Variants in GALNS observed in about 807,000 individuals in gnomAD.
The protein encoded by GALNS is galactosamine (N-acetyl)-6-sulfatase.
In GALNS, 65 loss-of-function variants were observed where a neutral mutation model predicts 65.9. The ratio of observed to expected loss-of-function variants is 0.99; its 90% CI spans 0.81 to 1.21. The LOEUF (loss-of-function observed/expected upper bound fraction) is 1.21. Among genes scored for constraint, GALNS ranks in the 50% most tolerant of loss-of-function variants. GALNS has a pLI of 0.00. For synonymous variants in GALNS, 346 were observed against 288.9 expected, an observed-to-expected ratio of 1.20 and a Z score of -2.00; for missense variants, 776 against 700.7, an observed-to-expected ratio of 1.11 and a Z score of -1.21.
chr16:88,848,571 G>GGA (rs535824781), intron 1 of GALNS, among the ~76,000 whole-genome samples: 1 of 135,876 alleles, frequency 7.4e-6, no homozygotes, highest in African/African-American at 2.7e-5. Flanking sequence ...GACTCCGTCT[G>GGA]AAAAAAAAAA....
At chr16:88,824,746 C>CCCA in intron 11 of GALNS, 21 bp downstream of exon 11, 9 of 1,604,834 alleles carry the variant, frequency 5.6e-6, no homozygotes, top group Non-Finnish European at 7.7e-6. Context: ...TCCGCCTGCG[C>CCCA]CCACGTCCCG....
intron 11 of GALNS, among the ~76,000 whole-genome samples, chr16:88,823,337 A>G (rs74840507): frequency 0.069 from 10,571 of 152,324 alleles, 429 homozygotes; most frequent in African/African-American, 0.095. Flanking sequence ...CAAGAAGGGC[A>G]AGGATTTTAC....
At chr16:88,822,837 C>T in intron 11 of GALNS, 127 bp from the exon 12 acceptor site, 6 of 1,430,680 alleles carry the variant, frequency 4.2e-6, no homozygotes, top group Non-Finnish European at 5.7e-6. Context: ...TGTCCTGGAG[C>T]CCCTAACTGG....
rs2143004671 is a variant in GALNS at position 88,841,082 on chromosome 16, T to C, written c.332A>G (p.Gln111Arg). 1.2e-6 allele frequency: 2 copies of C among 1,612,980 alleles called. No individual in the cohort carries two copies. The highest frequency in any genetic ancestry group is 1.7e-6 in the Non-Finnish European group (2 of 1,179,890). The change falls in exon 4 of 14, where the codon CAG becomes CGG. Residue 111 changes from glutamine to arginine, a missense_variant. Physicochemically the swap from Gln to Arg is conservative, Grantham distance 43. Coordinates refer to ENST00000268695, the MANE Select transcript of GALNS (RefSeq NM_000512.5). ...GTCTGGGATGCCGCCCACAATCTCCTGCGGTGTGTAGGCTGGAAGAGCAGC... is the reference window on the plus strand; with the variant it reads ...GTCTGGGATGCCGCCCACAATCTCCCGCGGTGTGTAGGCTGGAAGAGCAGC... ...NAHARNAYTP[Q>R]EIVGGIPDSE... is the part of the protein sequence containing the mutation.
intron 13 of GALNS, chr16:88,816,579 A>G (rs1261146497): frequency 2.1e-6 from 2 of 973,964 alleles, no homozygotes; most frequent in African/African-American, 3.8e-5. Context: ...ATAACCCTGC[A>G]GGGTGGACTG....
At chr16:88,842,852 G>A in intron 1 of GALNS, 23 bp from the exon 2 acceptor site, 1 of 1,611,998 alleles carries the variant, frequency 6.2e-7, no homozygotes. Flanking sequence ...GCACGGGGAG[G>A]AGGAATGAGC....
chr16:88,820,836 C>T (rs1385641401), intron 12 of GALNS, among the ~76,000 whole-genome samples: 1 of 152,238 alleles, frequency 6.6e-6, no homozygotes, highest in Admixed American at 6.5e-5. Flanking sequence ...CTGGAGCGAC[C>T]AGCCTGTGGG....
intron 9 of GALNS, among the ~76,000 whole-genome samples, chr16:88,828,389 G>A (rs1479573507): frequency 6.6e-6 from 1 of 152,216 alleles, no homozygotes; most frequent in African/African-American, 2.4e-5. Flanking sequence ...GTGGGCAGCT[G>A]CGGCTGTGGG....
At chr16:88,822,987 C>T (rs928757137) in intron 11 of GALNS, among the ~76,000 whole-genome samples, 3 of 152,140 alleles carry the variant, frequency 2.0e-5, no homozygotes, top group African/African-American at 4.8e-5. Context: ...GCTCTGGGCC[C>T]GAGATGCGTA....
Position 88,824,769 on chromosome 16 carries a change from G to C in GALNS, c.1240C>G (p.Gln414Glu). 1.9e-6 allele frequency: 3 copies of C among 1,613,040 alleles called. No homozygotes were observed. The highest frequency in any genetic ancestry group is 2.5e-6 in the Non-Finnish European group (3 of 1,179,748). ...TWTNSWENFR[Q>E]GIDFCPGQNV... ...CGCCCACGTCCCGAGCCCTGTACCT[G>C]TCTGAAGTTCTCCCAGGAGTTGGTC... is the stretch of plus-strand genomic sequence containing the variant. Residue 414 changes from glutamine (Q) to glutamate (E), a missense_variant and splice_region_variant, in exon 11 of 14, where the codon CAG becomes GAG. By Grantham distance (29) the Gln-to-Glu change is conservative. Coordinates refer to ENST00000268695, the MANE Select transcript of GALNS (RefSeq NM_000512.5).
chr16:88,815,241 G>A (rs1345180454), intron 13 of GALNS: 1 of 985,474 alleles, frequency 1.0e-6, no homozygotes, highest in Non-Finnish European at 1.2e-6. Context: ...GAGGTCCCGG[G>A]TATGGGGGAT....
intron 4 of GALNS, chr16:88,839,067 C>G (rs951742464): frequency 1.3e-5 from 2 of 154,970 alleles, no homozygotes; most frequent in African/African-American, 4.8e-5. Context: ...CCCTGAACAC[C>G]CCAGGCAGGT....
At chr16:88,836,962 T>G (rs979258612) in intron 5 of GALNS, among the ~76,000 whole-genome samples, 8 of 152,206 alleles carry the variant, frequency 5.3e-5, no homozygotes. Flanking sequence ...ACCACAGAAC[T>G]GCACACTTCA....
chr16:88,822,539 G>A (rs1597534660), intron 12 of GALNS, 50 bp downstream of exon 12: 4 of 1,609,320 alleles, frequency 2.5e-6, no homozygotes, highest in Non-Finnish European at 3.4e-6. Context: ...GCATTTGGGG[G>A]AGTCCGGCTG....
chr16:88,825,636 G>A (rs73251102), intron 10 of GALNS, among the ~76,000 whole-genome samples: 7,241 of 152,044 alleles, frequency 0.048, 580 homozygotes, highest in African/African-American at 0.16. Context: ...TAGGGTGCCT[G>A]GGCGTCCCCT....
At chr16:88,830,489 C>T (rs1485117978) in intron 9 of GALNS, among the ~76,000 whole-genome samples, 1 of 151,610 alleles carries the variant, frequency 6.6e-6, no homozygotes, top group African/African-American at 2.4e-5. Context: ...CTGGGAGCCC[C>T]CCCCATCCTC....
At chr16:88,830,315 G>A in intron 9 of GALNS, among the ~76,000 whole-genome samples, 1 of 152,068 alleles carries the variant, frequency 6.6e-6, no homozygotes, top group Non-Finnish European at 1.5e-5. Flanking sequence ...ACGGTGGAGG[G>A]GCCAGGAGCT....
chr16:88,823,110 G>C (rs1182075088), intron 11 of GALNS, among the ~76,000 whole-genome samples: 1 of 152,142 alleles, frequency 6.6e-6, no homozygotes, highest in Non-Finnish European at 1.5e-5. Context: ...TAATTTCATG[G>C]AGGAAAGCCC....
At chr16:88,818,250 C>A (rs1909845516) in intron 12 of GALNS, 126 bp from the exon 13 acceptor site, 1 of 803,016 alleles carries the variant, frequency 1.2e-6, no homozygotes, top group African/African-American at 1.7e-5. Flanking sequence ...GTCACTGGGA[C>A]CATGTGCTCA....
Sources: gnomAD v4.1 joint callset for allele counts (sites outside exome capture counted in the v4.1 genomes callset) on GRCh38, gnomAD v4.1.1 for gene constraint, MANE v1.5 for transcripts, NCBI Gene and HGNC (gene_info 2026-07-23, HGNC 2026-07-21) for gene names.